The following CEP41 variants were observed in gnomAD, a reference collection of about 807,000 sequenced individuals.
CEP41 encodes the protein centrosomal protein 41, also known as centrosomal protein of 41 kDa.
A neutral mutation model predicts 44.3 loss-of-function variants in CEP41; 32 were observed. The ratio of observed to expected loss-of-function variants is 0.72; its 90% CI spans 0.54 to 0.97. The LOEUF is 0.97. CEP41 is among the 50% of genes least tolerant of loss of function. The pLI, the probability that CEP41 is intolerant of heterozygous loss-of-function variation, is 0.00. For synonymous variants in CEP41, 151 were observed against 168.5 expected, an observed-to-expected ratio of 0.90 and a Z score of 0.80; for missense variants, 432 against 455.2, an observed-to-expected ratio of 0.95 and a Z score of 0.46.
intron 2 of CEP41, chr7:130,427,108 A>G (rs1331603358): frequency 6.5e-6 from 1 of 155,034 alleles, no homozygotes; most frequent in Non-Finnish European, 1.4e-5. Context: ...AGAGAAACAA[A>G]ATAAACAAAA....
At chr7:130,440,804 GA>G in intron 1 of CEP41, 129 bp downstream of exon 1, 1 of 203,134 alleles carries the variant, frequency 4.9e-6, no homozygotes, top group East Asian at 1.2e-4. Flanking sequence ...CCTGCATCCC[GA>G]CCCCTCCTCA....
At chr7:130,434,730 C>G (rs1407682603) in intron 1 of CEP41, among the ~76,000 whole-genome samples, 3 of 152,094 alleles carry the variant, frequency 2.0e-5, no homozygotes, top group African/African-American at 7.2e-5. Flanking sequence ...AATTTTTAAG[C>G]TCACAAAATA....
chr7:130,432,895 GAAC>G (rs1252227815), intron 1 of CEP41, among the ~76,000 whole-genome samples: 1 of 152,184 alleles, frequency 6.6e-6, no homozygotes, highest in Non-Finnish European at 1.5e-5. Flanking sequence ...CCATGGAAAT[GAAC>G]AAAATCATGC....
chr7:130,440,801 C>T (rs1798130007), intron 1 of CEP41, 133 bp downstream of exon 1: 4 of 485,174 alleles, frequency 8.2e-6, no homozygotes, highest in African/African-American at 4.1e-5. Flanking sequence ...GCCCCTGCAT[C>T]CCGACCCCTC....
rs575802233 is a variant in CEP41, at chr7:130,438,860, T to C, written c.33+2074A>G. 3.0e-4 allele frequency among the ~76,000 whole-genome samples: 45 copies of C among 152,326 alleles called. 1 individual carries two copies. Among genetic ancestry groups the C allele is most frequent in the African/African-American group, 1.1e-3 (45 of 41,578 alleles). On this transcript the variant is annotated intron_variant, in intron 1 of 10. Coordinates refer to ENST00000223208, the MANE Select transcript of CEP41 (RefSeq NM_018718.3). ...AACTTTATACATTTATGGGGTACAATTTGATGTTTTGGTATATACACACAC... is the reference window on the plus strand; with the variant it reads ...AACTTTATACATTTATGGGGTACAACTTGATGTTTTGGTATATACACACAC...
chr7:130,411,795 T>C (rs1797189432), intron 4 of CEP41, among the ~76,000 whole-genome samples: 1 of 152,116 alleles, frequency 6.6e-6, no homozygotes, highest in Admixed American at 6.6e-5. Flanking sequence ...TCTGGCAGGA[T>C]GATTTGGAAA....
chr7:130,440,302 G>C (rs1215285082), intron 1 of CEP41, among the ~76,000 whole-genome samples: 1 of 152,186 alleles, frequency 6.6e-6, no homozygotes. Context: ...TACAGGCTGA[G>C]CCACCGCGCC....
intron 1 of CEP41, chr7:130,440,609 C>T (rs782428472): frequency 2.2e-4 from 120 of 538,122 alleles, no homozygotes; most frequent in Non-Finnish European, 1.8e-4. Flanking sequence ...GCAGCGCTTC[C>T]TTTGTCTTTT....
intron 1 of CEP41, among the ~76,000 whole-genome samples, chr7:130,436,135 T>TA (rs1318770649): frequency 9.2e-5 from 14 of 152,180 alleles, no homozygotes; most frequent in Admixed American, 7.9e-4. Context: ...GCCTGGGTGA[T>TA]AGAGTGAGAC....
Position 130,395,218 on chromosome 7 carries a change from C to T in CEP41, c.*3673G>A, listed in dbSNP as rs781992911. The T allele has an allele frequency of 2.2e-5, 10 of 451,856 alleles. No homozygotes were observed. The East Asian group carries it at 6.3e-4, about 28-fold the overall frequency. 28.0% of individuals were successfully genotyped at this position (451,856 alleles called of 1,614,324 possible). A position where few individuals can be genotyped will look rare whatever the true frequency, so the allele number is the denominator to read the frequency against. On this transcript the variant is annotated 3_prime_UTR_variant, in exon 11 of 11. Coordinates refer to ENST00000223208, the MANE Select transcript of CEP41 (RefSeq NM_018718.3). ...TATTACTACCCAAATGTATTCTGAA[C>T]ATTTTGGAAGCACAATGTTATTTAT... is the stretch of plus-strand genomic sequence containing the variant.
rs2117540423 is a variant in CEP41 at position 130,397,968 on chromosome 7, C to T, written c.*923G>A. On this transcript the variant is annotated 3_prime_UTR_variant, in exon 11 of 11. Coordinates refer to ENST00000223208, the MANE Select transcript of CEP41 (RefSeq NM_018718.3). ...CGAGGTTGTCAGCCCTGACAAAGGA[C>T]TTCGGAGTCCTCTTCACCTTGTGTG... 2 of 454,516 alleles carry T rather than the reference C, an allele frequency of 4.4e-6. No individual in the cohort carries two copies. The highest frequency in any genetic ancestry group is 1.6e-5 in the South Asian group (1 of 64,476). 28.2% of individuals were successfully genotyped at this position (454,516 alleles called of 1,614,324 possible). A position where few individuals can be genotyped will look rare whatever the true frequency, so the allele number is the denominator to read the frequency against.
chr7:130,398,663 G>T lies in CEP41; in HGVS notation c.*228C>A. The stretch of plus-strand genomic sequence containing the variant: ...AATATGCTGTAAACAACAGGGAGGA[G>T]ACTAGAGCCTGTCACACCTCTGGTT... On this transcript the variant is annotated 3_prime_UTR_variant, in exon 11 of 11. Transcript: ENST00000223208. 1.4e-6 allele frequency: 1 copy of T among 718,800 alleles called. No individual in the cohort carries two copies. The highest frequency in any genetic ancestry group is 1.9e-5 in the Admixed American group (1 of 51,742). 44.5% of individuals were successfully genotyped at this position (718,800 alleles called of 1,614,324 possible).
chr7:130,412,241 C>T lies in CEP41; in HGVS notation c.146-1G>A. 1 of 1,434,358 alleles carries T rather than the reference C, an allele frequency of 7.0e-7. No individual in the cohort carries two copies. Among genetic ancestry groups the T allele is most frequent in the Non-Finnish European group, 9.8e-7 (1 of 1,016,508 alleles). 88.9% of individuals were successfully genotyped at this position (1,434,358 alleles called of 1,614,324 possible). A position where few individuals can be genotyped will look rare whatever the true frequency, so the allele number is the denominator to read the frequency against. ...AGCTCATCTTTTTTGTATCTATAATCTGAAAAATATGGTAAGACAAGTATT... is the reference window on the plus strand; with the variant it reads ...AGCTCATCTTTTTTGTATCTATAATTTGAAAAATATGGTAAGACAAGTATT... On this transcript the variant is annotated splice_acceptor_variant, in intron 3 of 10. Transcript: ENST00000223208. LOFTEE classifies it high-confidence loss of function.
At position 130,395,984 on chromosome 7, in the gene CEP41, CCTTTT is replaced by C; in HGVS notation, c.*2902_*2906del. On this transcript the variant is annotated 3_prime_UTR_variant, in exon 11 of 11. Transcript: ENST00000223208. Reference sequence around the variant, plus strand: ...TGACATTATTACAGCCCAGGGTGTTCCTTTTGTTTTCAAATAAGTAATGTAGCTTT... The same window carrying C: ...TGACATTATTACAGCCCAGGGTGTTCGTTTTCAAATAAGTAATGTAGCTTT... The C allele has an allele frequency of 2.2e-6, 1 of 453,928 alleles. No homozygotes were observed. The highest frequency in any genetic ancestry group is 1.6e-5 in the South Asian group (1 of 64,438). The allele number at this position is 453,928 out of a possible 1,614,324, so 28.1% of individuals were successfully genotyped here. A position where few individuals can be genotyped will look rare whatever the true frequency, so the allele number is the denominator to read the frequency against.
chr7:130,415,581 A>C (rs1235215086), intron 3 of CEP41, among the ~76,000 whole-genome samples: 1 of 152,210 alleles, frequency 6.6e-6, no homozygotes, highest in Non-Finnish European at 1.5e-5. Flanking sequence ...ATATTAAAGA[A>C]ACCACATCGT....
Position 130,431,780 on chromosome 7 carries a change from G to A in CEP41, c.34-3762C>T, listed in dbSNP as rs150461382. On this transcript the variant is annotated intron_variant, in intron 1 of 10. Transcript: ENST00000223208. ...CGGCCTGGAGCATAGCGGGAAATAC[G>A]GGGACAAACGATGCTGGAGAGGCAG... is the stretch of plus-strand genomic sequence containing the variant. 1.5e-3 allele frequency among the ~76,000 whole-genome samples: 234 copies of A among 152,210 alleles called. 1 individual carries two copies. The East Asian group carries it at 0.021, about 14-fold the overall frequency.
intron 2 of CEP41, among the ~76,000 whole-genome samples, chr7:130,423,095 C>T (rs1012490628): frequency 3.3e-5 from 5 of 152,040 alleles, no homozygotes; most frequent in Admixed American, 2.6e-4. Context: ...TACAGGTGCA[C>T]GCTGCCATGC....
chr7:130,441,664 A>G (rs1798174621), upstream of CEP41, among the ~76,000 whole-genome samples: 1 of 152,232 alleles, frequency 6.6e-6, no homozygotes, highest in South Asian at 2.1e-4. Context: ...GCACCTTATG[A>G]GAAAAGCTGC....
chr7:130,426,549 AT>A (rs1303485416), intron 2 of CEP41: 1 of 402,708 alleles, frequency 2.5e-6, no homozygotes, highest in African/African-American at 2.2e-5. Context: ...TCCAAAAGAA[AT>A]TCCTTCCTTT....
Sources: allele counts gnomAD v4.1 joint callset (sites outside exome capture counted in the v4.1 genomes callset), GRCh38; gene constraint gnomAD v4.1.1; transcripts MANE v1.5; gene names NCBI Gene and HGNC (gene_info 2026-07-23, HGNC 2026-07-21).